Variants in ARB2A observed in about 807,000 individuals in gnomAD.
The protein encoded by ARB2A is cotranscriptional regulator ARB2A.
the ARB2A span, among the ~76,000 whole-genome samples, chr5:94,000,866 G>A: frequency 6.6e-6 from 1 of 152,060 alleles, no homozygotes; most frequent in Admixed American, 6.6e-5. Context: ...TTTTTTGCAT[G>A]TGAACATCCA....
At chr5:93,814,217 A>G in the ARB2A span, among the ~76,000 whole-genome samples, 353 of 152,328 alleles carry the variant, frequency 2.3e-3, no homozygotes, top group Non-Finnish European at 4.2e-3. Flanking sequence ...TTATAAATAA[A>G]TCTACAATCA....
chr5:93,748,444 A>C, the ARB2A span, among the ~76,000 whole-genome samples: 1 of 152,120 alleles, frequency 6.6e-6, no homozygotes, highest in Non-Finnish European at 1.5e-5. Context: ...ATATGACTAG[A>C]ATTAGAACTT....
the ARB2A span, among the ~76,000 whole-genome samples, chr5:94,040,205 A>G: frequency 1.3e-5 from 2 of 151,802 alleles, no homozygotes; most frequent in African/African-American, 4.8e-5. Context: ...TCTGCCTTGT[A>G]CTCTTTGCTA....
the ARB2A span, among the ~76,000 whole-genome samples, chr5:93,710,459 T>C: frequency 6.6e-6 from 1 of 152,210 alleles, no homozygotes; most frequent in Non-Finnish European, 1.5e-5. Context: ...CTGAATCATG[T>C]AGTAAGAGCT....
chr5:93,817,399 C>G, the ARB2A span, among the ~76,000 whole-genome samples: 1 of 152,184 alleles, frequency 6.6e-6, no homozygotes, highest in African/African-American at 2.4e-5. Flanking sequence ...GATGGCAACA[C>G]TCCCCAAATT....
At chr5:93,758,470 T>G in the ARB2A span, among the ~76,000 whole-genome samples, 3 of 152,144 alleles carry the variant, frequency 2.0e-5, no homozygotes, top group African/African-American at 7.2e-5. Context: ...GCATGGAACT[T>G]TCTCTAAGAT....
At chr5:93,801,961 T>C in the ARB2A span, among the ~76,000 whole-genome samples, 1 of 152,140 alleles carries the variant, frequency 6.6e-6, no homozygotes, top group African/African-American at 2.4e-5. Flanking sequence ...GTTTTTATTG[T>C]TATTAGGAAA....
chr5:93,829,029 G>A, the ARB2A span, among the ~76,000 whole-genome samples: 5 of 151,974 alleles, frequency 3.3e-5, no homozygotes, highest in East Asian at 3.9e-4. Context: ...TGCCCACCCC[G>A]GCCTCCCAAA....
At chr5:94,015,773 C>T in the ARB2A span, among the ~76,000 whole-genome samples, 3 of 151,750 alleles carry the variant, frequency 2.0e-5, no homozygotes, top group Non-Finnish European at 2.9e-5. Flanking sequence ...TCATGATAAC[C>T]ACAATGTAAA....
chr5:93,830,309 G>GTATA, the ARB2A span, among the ~76,000 whole-genome samples: 58 of 49,644 alleles, frequency 1.2e-3, no homozygotes, highest in African/African-American at 4.9e-3. Flanking sequence ...ATGTGTGTGT[G>GTATA]TGTATATATA....
At chr5:93,681,538 T>C in the ARB2A span, among the ~76,000 whole-genome samples, 2 of 152,166 alleles carry the variant, frequency 1.3e-5, no homozygotes, top group African/African-American at 4.8e-5. Context: ...AAATTACCAG[T>C]TACTTCTCTG....
At chr5:94,021,137 T>C in the ARB2A span, among the ~76,000 whole-genome samples, 1 of 152,196 alleles carries the variant, frequency 6.6e-6, no homozygotes, top group East Asian at 1.9e-4. Flanking sequence ...CTGCAATACA[T>C]ATAACATTTT....
the ARB2A span, chr5:93,781,849 A>T: frequency 1.0e-6 from 1 of 982,014 alleles, no homozygotes; most frequent in Non-Finnish European, 1.2e-6. Context: ...ATACTTAAAC[A>T]TACTTACAAA....
the ARB2A span, among the ~76,000 whole-genome samples, chr5:93,806,441 A>G: frequency 1.1e-4 from 17 of 151,844 alleles, 2 homozygotes; most frequent in Non-Finnish European, 2.4e-4. Context: ...TCAATATAAG[A>G]TCATATTTCC....
the ARB2A span, among the ~76,000 whole-genome samples, chr5:94,021,613 G>GT: frequency 6.6e-6 from 1 of 152,158 alleles, no homozygotes; most frequent in East Asian, 1.9e-4. Flanking sequence ...GAACAGCTTG[G>GT]TTATACGGTC....
chr5:93,899,739 C>G, the ARB2A span, among the ~76,000 whole-genome samples: 1 of 152,196 alleles, frequency 6.6e-6, no homozygotes, highest in South Asian at 2.1e-4. Context: ...ATGATTATTA[C>G]TAGGTTAAAC....
the ARB2A span, among the ~76,000 whole-genome samples, chr5:93,878,567 C>A: frequency 6.6e-6 from 1 of 151,818 alleles, no homozygotes; most frequent in East Asian, 1.9e-4. Context: ...AAATTTTTGA[C>A]CCACAATCTG....
At chr5:93,767,255 C>T in the ARB2A span, among the ~76,000 whole-genome samples, 1 of 152,084 alleles carries the variant, frequency 6.6e-6, no homozygotes, top group Non-Finnish European at 1.5e-5. Context: ...AGAAGATATA[C>T]AAATGGCCAA....
chr5:94,056,676 C>A, the ARB2A span, among the ~76,000 whole-genome samples: 1 of 152,032 alleles, frequency 6.6e-6, no homozygotes, highest in Admixed American at 6.6e-5. Flanking sequence ...TATAAAAATA[C>A]GATTTCATAC....
Sources: gnomAD v4.1 joint callset for allele counts (sites outside exome capture counted in the v4.1 genomes callset) on GRCh38, gnomAD v4.1.1 for gene constraint, MANE v1.5 for transcripts, NCBI Gene and HGNC (gene_info 2026-07-23, HGNC 2026-07-21) for gene names.